Variants in SIM1 observed in about 807,000 individuals in gnomAD.
SIM1 encodes single-minded homolog 1.
SIM1 carries 18 observed loss-of-function variants against 78.2 expected under a neutral mutation model. The observed-to-expected ratio is 0.23, with a 90% confidence interval of 0.16 to 0.34. The LOEUF is 0.34. SIM1 is among the 10% of genes least tolerant of loss of function. SIM1 has a pLI of 1.00. For missense variants in SIM1, 939 were observed against 975.1 expected (o/e 0.96, Z 0.49); for synonymous variants, 417 against 385.2 (o/e 1.08, Z -0.97).
At chr6:100,406,407 A>G (rs1207114157) in intron 10 of SIM1, among the ~76,000 whole-genome samples, 1 of 152,158 alleles carries the variant, frequency 6.6e-6, no homozygotes, top group Non-Finnish European at 1.5e-5. Flanking sequence ...GTTTGGACAA[A>G]GCATGGACTG....
rs1214263737 is a variant in SIM1, at chr6:100,463,516, A to T, written c.-48T>A. On this transcript the variant is annotated 5_prime_UTR_variant, in exon 2 of 12. The change abolishes an upstream ATG in the 5' untranslated region. Transcript: ENST00000369208. The stretch of plus-strand genomic sequence containing the variant: ...CTCACAACTTAAGCTCCGCAGATTC[A>T]TCCAAAACCAAAAATAAACTTTCAA... 1.3e-6 allele frequency: 2 copies of T among 1,516,876 alleles called. No homozygotes were observed. The highest frequency in any genetic ancestry group is 1.4e-5 in the African/African-American group (1 of 71,866). The allele number at this position is 1,516,876 out of a possible 1,614,324, so 94.0% of individuals were successfully genotyped here. A position where few individuals can be genotyped will look rare whatever the true frequency, so the allele number is the denominator to read the frequency against.
chr6:100,420,437 T>C (rs1381532600), intron 10 of SIM1, among the ~76,000 whole-genome samples: 1 of 152,214 alleles, frequency 6.6e-6, no homozygotes, highest in Non-Finnish European at 1.5e-5. Context: ...TGCATTTTTC[T>C]ACATCGAGCT....
chr6:100,451,369 T>G (rs1365880999), intron 3 of SIM1, among the ~76,000 whole-genome samples: 1 of 152,180 alleles, frequency 6.6e-6, no homozygotes, highest in Non-Finnish European at 1.5e-5. Flanking sequence ...TAGTGTATTC[T>G]GAGGTGATGA....
In SIM1 at chr6:100,463,438, T is replaced by C. The variant is rs780286691; in HGVS notation, c.31A>G (p.Thr11Ala). ...TCACTGTTTTCCTTCTCCCTCCTAG[T>C]CCGCGCAGCATTTTTGGACTTTTCT... The part of the protein sequence containing the change: MKEKSKNAAR[T>A]RREKENSEFY... Residue 11 changes from threonine to alanine, a missense_variant, in exon 2 of 12, where the codon ACT becomes GCT. Physicochemically the swap from Thr to Ala is moderately conservative, Grantham distance 58. Transcript: ENST00000369208. 1 of 1,612,152 alleles carries C rather than the reference T, an allele frequency of 6.2e-7. No homozygotes were observed. The highest frequency in any genetic ancestry group is 8.5e-7 in the Non-Finnish European group (1 of 1,178,338).
chr6:100,390,498 A>G lies in SIM1; in HGVS notation c.2164T>C (p.Tyr722His), dbSNP rs1770608764. Reference protein sequence around the residue: ...TLTGYALEHLYDSETIRNYSL... With the variant: ...TLTGYALEHLHDSETIRNYSL... ...TAGTTTCTAATGGTTTCGCTGTCAT[A>G]TAAGTGCTCCAGGGCATATCCAGTT... Residue 722 changes from tyrosine to histidine, a missense_variant, in exon 12 of 12, where the codon TAT becomes CAT. Tyr to His is a moderately conservative substitution (Grantham distance 83). Coordinates refer to ENST00000369208, the MANE Select transcript of SIM1 (RefSeq NM_005068.3). 6.2e-6 allele frequency: 10 copies of G among 1,614,198 alleles called. No individual in the cohort carries two copies. The highest frequency in any genetic ancestry group is 8.5e-6 in the Non-Finnish European group (10 of 1,180,036).
At chr6:100,439,483 A>G (rs1455117853) in intron 9 of SIM1, among the ~76,000 whole-genome samples, 1 of 152,082 alleles carries the variant, frequency 6.6e-6, no homozygotes, top group African/African-American at 2.4e-5. Context: ...GAACTCTTCT[A>G]TTTCACCAAC....
At chr6:100,439,795 A>G (rs1286435932) in intron 9 of SIM1, among the ~76,000 whole-genome samples, 1 of 152,198 alleles carries the variant, frequency 6.6e-6, no homozygotes, top group Non-Finnish European at 1.5e-5. Flanking sequence ...AACCTATGTA[A>G]AACACCTTCC....
At chr6:100,448,821 A>G (rs755619843) in intron 6 of SIM1, 143 bp from the exon 7 acceptor site, 59 of 697,046 alleles carry the variant, frequency 8.5e-5, no homozygotes, top group Non-Finnish European at 1.3e-4. Context: ...ATCCAAAGTT[A>G]CTGGTGCTCT....
At chr6:100,451,756 C>A (rs1772517126) in intron 3 of SIM1, among the ~76,000 whole-genome samples, 1 of 152,110 alleles carries the variant, frequency 6.6e-6, no homozygotes, top group African/African-American at 2.4e-5. Flanking sequence ...AGGCACTAAG[C>A]AGAAGGTGAC....
intron 6 of SIM1, 39 bp from the exon 7 acceptor site, chr6:100,448,717 T>G (rs1582317810): frequency 6.3e-7 from 1 of 1,575,078 alleles, no homozygotes; most frequent in African/African-American, 1.3e-5. Context: ...CAGCCACAGG[T>G]AGGAAGAGCC....
chr6:100,425,787 G>A (rs1354801580), intron 9 of SIM1, among the ~76,000 whole-genome samples: 1 of 152,126 alleles, frequency 6.6e-6, no homozygotes, highest in Non-Finnish European at 1.5e-5. Context: ...TATCACATAT[G>A]TCCTCAAAGT....
At chr6:100,442,251 G>A (rs1226854932) in intron 9 of SIM1, among the ~76,000 whole-genome samples, 1 of 152,022 alleles carries the variant, frequency 6.6e-6, no homozygotes, top group Non-Finnish European at 1.5e-5. Context: ...CAATAATAAG[G>A]AAAAAGTGTA....
Position 100,458,013 on chromosome 6 carries a change from TCTCTCTCTCTCTCTCTC to T in SIM1, c.176-4186_176-4170del, listed in dbSNP as rs1772722075. 9.4e-3 allele frequency among the ~76,000 whole-genome samples: 117 copies of T among 12,404 alleles called. 1 individual carries two copies. Among genetic ancestry groups the T allele is most frequent in the South Asian group, 0.056 (37 of 656 alleles). The allele number at this position is 12,404 out of a possible 152,430, so 8.1% of individuals were successfully genotyped here. A position where few individuals can be genotyped will look rare whatever the true frequency, so the allele number is the denominator to read the frequency against. On this transcript the variant is annotated intron_variant, in intron 2 of 11. Coordinates refer to ENST00000369208, the MANE Select transcript of SIM1 (RefSeq NM_005068.3). ...CGCTGTCTGTCTCTCTCTTTCTCTC[TCTCTCTCTCTCTCTCTC>T]TCTCTCTCTCTCTCTCTCTCTCTCT...
At chr6:100,400,977 A>C (rs865885588) in intron 10 of SIM1, among the ~76,000 whole-genome samples, 18 of 146,692 alleles carry the variant, frequency 1.2e-4, no homozygotes, top group Middle Eastern at 3.4e-3. Flanking sequence ...TTTTAATTAG[A>C]AGGAAAAAAA....
At position 100,412,538 on chromosome 6, in the gene SIM1, GAAAGAAAGAAAGAAAGA is replaced by G. The variant is rs1396387686; in HGVS notation, c.1167+8235_1167+8251del. ...GGTGACAGAGCAAGACTCTGTCTAAGAAAGAAAGAAAGAAAGAAAAGAAAGAAAGAAAGAAAGAAAGA... is the reference window on the plus strand; with the variant it reads ...GGTGACAGAGCAAGACTCTGTCTAAGAAAGAAAGAAAGAAAGAAAGAAAGA... On this transcript the variant is annotated intron_variant, in intron 10 of 11. Transcript: ENST00000369208. 1.9e-3 allele frequency among the ~76,000 whole-genome samples: 130 copies of G among 67,736 alleles called. 8 individuals carry two copies. The highest frequency in any genetic ancestry group is 6.3e-3 in the Middle Eastern group (1 of 160). The allele number at this position is 67,736 out of a possible 152,430, so 44.4% of individuals were successfully genotyped here.
intron 11 of SIM1, among the ~76,000 whole-genome samples, chr6:100,392,383 G>T (rs565579825): frequency 1.1e-3 from 161 of 152,280 alleles, no homozygotes; most frequent in Middle Eastern, 3.4e-3. Flanking sequence ...AGCAGAGAAA[G>T]CCTGGATCAC....
chr6:100,424,089 C>T (rs959144945), intron 9 of SIM1, among the ~76,000 whole-genome samples: 10 of 122,596 alleles, frequency 8.2e-5, no homozygotes, highest in South Asian at 3.1e-4. Flanking sequence ...GCCCAGGGTA[C>T]GCATCTCACT....
At chr6:100,451,007 C>A (rs1441966640) in intron 3 of SIM1, among the ~76,000 whole-genome samples, 2 of 152,108 alleles carry the variant, frequency 1.3e-5, no homozygotes, top group African/African-American at 4.8e-5. Context: ...AACTGACAGG[C>A]TCTCCATGAA....
At chr6:100,447,776 C>T (rs79352998) in intron 8 of SIM1, among the ~76,000 whole-genome samples, 4,963 of 152,328 alleles carry the variant, frequency 0.033, 128 homozygotes, top group Non-Finnish European at 0.043. Context: ...AGATTACGCT[C>T]AAAGCAAAGC....
Sources: gnomAD v4.1 joint callset for allele counts (sites outside exome capture counted in the v4.1 genomes callset) on GRCh38, gnomAD v4.1.1 for gene constraint, MANE v1.5 for transcripts, NCBI Gene and HGNC (gene_info 2026-07-23, HGNC 2026-07-21) for gene names.